The following AKAP9 variants were observed in gnomAD, a reference collection of about 807,000 sequenced individuals.
AKAP9 encodes the protein A-kinase anchoring protein 9.
AKAP9 carries 311 observed loss-of-function variants against 488.5 expected under a neutral mutation model. The ratio of observed to expected loss-of-function variants is 0.64; its 90% CI spans 0.58 to 0.70. The LOEUF (loss-of-function observed/expected upper bound fraction) is 0.70, where lower values mean the gene tolerates loss of function less well. Ranked by LOEUF, AKAP9 falls within the 30% of genes least tolerant of loss-of-function variation. The pLI is 0.00. For missense variants in AKAP9, 4,215 were observed against 4,374.5 expected (o/e 0.96, Z 1.03); for synonymous variants, 1,462 against 1,483.5 (o/e 0.99, Z 0.33).
At chr7:92,091,837 A>G (rs1044412254) in intron 38 of AKAP9, among the ~76,000 whole-genome samples, 11 of 152,184 alleles carry the variant, frequency 7.2e-5, no homozygotes, top group African/African-American at 2.7e-4. Context: ...TAACCTCTAA[A>G]GTTTTTAGAA....
chr7:92,085,734 A>G (rs1369859134), intron 36 of AKAP9, 48 bp downstream of exon 36: 8 of 1,281,436 alleles, frequency 6.2e-6, no homozygotes, highest in Non-Finnish European at 8.8e-6. Context: ...TATTATTTGA[A>G]CAATAATAAT....
intron 14 of AKAP9, among the ~76,000 whole-genome samples, chr7:92,026,142 T>A (rs1238206745): frequency 6.6e-6 from 1 of 152,096 alleles, no homozygotes; most frequent in South Asian, 2.1e-4. Context: ...CTAGGGAATA[T>A]GGAAAATGAA....
intron 2 of AKAP9, among the ~76,000 whole-genome samples, chr7:91,977,454 G>A (rs1206923835): frequency 6.6e-6 from 1 of 152,206 alleles, no homozygotes; most frequent in Non-Finnish European, 1.5e-5. Flanking sequence ...TACTCGGGAG[G>A]CTGAGGCAGG....
Position 92,098,731 on chromosome 7 carries a change from C to T in AKAP9, c.10713+517C>T, listed in dbSNP as rs1318427235. ...TACCCTCTTCCTTCTTTTCTCTAACCTATAACTATGAAAGCTCACACAGTC... is the reference window on the plus strand; with the variant it reads ...TACCCTCTTCCTTCTTTTCTCTAACTTATAACTATGAAAGCTCACACAGTC... On this transcript the variant is annotated intron_variant, in intron 43 of 49. Coordinates refer to ENST00000356239, the MANE Select transcript of AKAP9 (RefSeq NM_005751.5). Among the ~76,000 whole-genome samples the T allele has an allele frequency of 2.6e-5, 4 of 152,120 alleles. No homozygotes were observed. In the South Asian group the frequency reaches 8.3e-4, roughly 31 times the overall value.
At chr7:91,974,142 G>C (rs558784344) in intron 2 of AKAP9, among the ~76,000 whole-genome samples, 174 bp downstream of exon 2, 99 of 152,318 alleles carry the variant, frequency 6.5e-4, no homozygotes, top group African/African-American at 2.2e-3. Flanking sequence ...CAGAGAGGGA[G>C]TTTTGTGAGT....
rs1355265759 is a variant in AKAP9 at position 92,062,343 on chromosome 7, T to C, written c.5834T>C (p.Ile1945Thr). ...ERQIQEKTDI[I>T]DRLEQELLCA... is the part of the protein sequence containing the mutation. The stretch of plus-strand genomic sequence containing the variant: ...CAAATTCAGGAAAAAACTGATATAA[T>C]AGATCGTCTTGAGCAGGAGTTGTTA... Residue 1945 changes from isoleucine (I) to threonine (T), a missense_variant, in exon 24 of 50, where the codon ATA becomes ACA. Transcript: ENST00000356239. The C allele has an allele frequency of 4.3e-6, 7 of 1,613,724 alleles. No homozygotes were observed. The highest frequency in any genetic ancestry group is 3.3e-5 in the South Asian group (3 of 91,084).
intron 8 of AKAP9, 59 bp from the exon 9 acceptor site, chr7:92,012,370 T>C: frequency 6.7e-7 from 1 of 1,481,778 alleles, no homozygotes; most frequent in Non-Finnish European, 9.3e-7. Flanking sequence ...AAAAAAGAAG[T>C]TAAATTATTT....
intron 39 of AKAP9, among the ~76,000 whole-genome samples, chr7:92,094,400 G>A (rs944628029): frequency 1.3e-5 from 2 of 151,738 alleles, no homozygotes; most frequent in Non-Finnish European, 2.9e-5. Flanking sequence ...GGGCATGCTG[G>A]CATTCACCTG....
intron 21 of AKAP9, 93 bp from the exon 22 acceptor site, chr7:92,052,633 C>T: frequency 2.3e-6 from 2 of 867,518 alleles, no homozygotes; most frequent in Non-Finnish European, 3.5e-6. Flanking sequence ...TTACAATTTC[C>T]ATGATTTCCA....
chr7:91,955,550 T>G (rs1193497119), intron 1 of AKAP9, among the ~76,000 whole-genome samples: 1 of 152,224 alleles, frequency 6.6e-6, no homozygotes, highest in Non-Finnish European at 1.5e-5. Context: ...CATCAGTGAT[T>G]TGCCTTTTGT....
intron 7 of AKAP9, among the ~76,000 whole-genome samples, chr7:91,999,514 G>C (rs1482809958): frequency 6.6e-6 from 1 of 152,112 alleles, no homozygotes; most frequent in Non-Finnish European, 1.5e-5. Context: ...AAGTTCATTG[G>C]ATTTTATATT....
intron 3 of AKAP9, among the ~76,000 whole-genome samples, chr7:91,989,400 A>T (rs771830850): frequency 9.9e-4 from 150 of 152,278 alleles, no homozygotes; most frequent in Non-Finnish European, 6.2e-4. Flanking sequence ...TACAAATTAA[A>T]TTATATGCAG....
rs1025170503 is a variant in AKAP9, at chr7:92,100,739, A to C, written c.10897-117A>C. ...TAATGTCAATTGAGATTGGCTTTGA[A>C]CTTTGTCTGGGTGGGGTTAGAAAGT... On this transcript the variant is annotated intron_variant, in intron 44 of 49. Transcript: ENST00000356239. 4.3e-6 allele frequency: 5 copies of C among 1,174,810 alleles called. No homozygotes were observed. The African/African-American group carries it at 7.6e-5, about 18-fold the overall frequency. 72.8% of individuals were successfully genotyped at this position (1,174,810 alleles called of 1,614,324 possible). A position where few individuals can be genotyped will look rare whatever the true frequency, so the allele number is the denominator to read the frequency against.
chr7:91,944,078 T>C (rs1025140114), intron 1 of AKAP9, among the ~76,000 whole-genome samples: 3 of 152,218 alleles, frequency 2.0e-5, no homozygotes, highest in African/African-American at 7.2e-5. Flanking sequence ...TATAGTATAC[T>C]GTATAAAATG....
Position 91,973,598 on chromosome 7 carries a change from T to C in AKAP9, c.49-113T>C, listed in dbSNP as rs1428762608. The stretch of plus-strand genomic sequence containing the variant: ...AATAATTGTTCTTTATTTTTTCATT[T>C]TTATTTAGTGATAGTTTGATCTTTA... On this transcript the variant is annotated intron_variant, in intron 1 of 49. Transcript: ENST00000356239. 2.6e-6 allele frequency: 3 copies of C among 1,146,420 alleles called. No individual in the cohort carries two copies. The African/African-American group carries it at 4.8e-5, about 18-fold the overall frequency. The allele number at this position is 1,146,420 out of a possible 1,614,324, so 71.0% of individuals were successfully genotyped here. A position where few individuals can be genotyped will look rare whatever the true frequency, so the allele number is the denominator to read the frequency against.
chr7:92,090,408 A>C (rs935451468), intron 38 of AKAP9: 1 of 152,230 alleles, frequency 6.6e-6, no homozygotes, highest in African/African-American at 2.4e-5. Context: ...GTGGATCACG[A>C]GGTCAGAAGT....
rs189920284 is a variant in AKAP9 at position 92,080,455 on chromosome 7, G to C, written c.8019+303G>C. On this transcript the variant is annotated intron_variant, in intron 31 of 49. Coordinates refer to ENST00000356239, the MANE Select transcript of AKAP9 (RefSeq NM_005751.5). ...CTACTAAAAATACAAAAAATTATCC[G>C]GGCGTGGTGGTGGGTGCCTGTAGTC... Among the ~76,000 whole-genome samples, 55 of 152,036 alleles carry C rather than the reference G, an allele frequency of 3.6e-4. 2 individuals carry two copies. The East Asian group carries it at 0.01, about 28-fold the overall frequency.
chr7:91,978,241 CAAAA>C lies in AKAP9; in HGVS notation c.307-2031_307-2028del, dbSNP rs11295179. Among the ~76,000 whole-genome samples the C allele has an allele frequency of 1.1e-4, 10 of 88,706 alleles. No individual in the cohort carries two copies. The East Asian group carries it at 2.1e-3, about 19-fold the overall frequency. 58.2% of individuals were successfully genotyped at this position (88,706 alleles called of 152,430 possible). A position where few individuals can be genotyped will look rare whatever the true frequency, so the allele number is the denominator to read the frequency against. On this transcript the variant is annotated intron_variant, in intron 2 of 49. Coordinates refer to ENST00000356239, the MANE Select transcript of AKAP9 (RefSeq NM_005751.5). ...TGGGCAACAGAGTGAGACTCTGTCT[CAAAA>C]AAAAAAAAAAAAAAAAGAGAATCTT...
chr7:92,005,852 A>T (rs538675918), intron 8 of AKAP9, among the ~76,000 whole-genome samples: 2 of 151,790 alleles, frequency 1.3e-5, no homozygotes, highest in Admixed American at 1.3e-4. Context: ...TATTTTTAGT[A>T]GAGACAAGGT....
Sources: gnomAD v4.1 joint callset for allele counts (sites outside exome capture counted in the v4.1 genomes callset) on GRCh38, gnomAD v4.1.1 for gene constraint, MANE v1.5 for transcripts, NCBI Gene and HGNC (gene_info 2026-07-23, HGNC 2026-07-21) for gene names.